TBC1D8B: variants seen among roughly 807,000 people sequenced by gnomAD.
TBC1D8B encodes RP11-321G1.1.
Under a neutral mutation model 82.9 loss-of-function variants are expected in TBC1D8B, and 75 were observed. That is an observed-to-expected ratio of 0.90 (90% confidence interval 0.75 to 1.10). The LOEUF (loss-of-function observed/expected upper bound fraction) is 1.10. Ranked by LOEUF, TBC1D8B falls within the 50% of genes least tolerant of loss-of-function variation. The pLI, the probability that TBC1D8B is intolerant of heterozygous loss-of-function variation, is 0.00. For missense variants in TBC1D8B, 794 were observed against 796.9 expected, an observed-to-expected ratio of 1.00 and a Z score of 0.04; for synonymous variants, 276 against 276.8, an observed-to-expected ratio of 1.00 and a Z score of 0.03.
chrX:106,866,868 A>G lies in TBC1D8B; in HGVS notation c.2728+6A>G. On this transcript the variant is annotated splice_donor_region_variant and intron_variant, in intron 17 of 20. Transcript: ENST00000357242. Reference sequence around the variant, plus strand: ...TAAGCTACATATTCCTCCAGGTAAGAGTTTACCAGTCTTTAACGATGTACA... The same window carrying G: ...TAAGCTACATATTCCTCCAGGTAAGGGTTTACCAGTCTTTAACGATGTACA... 1 of 1,152,612 alleles carries G rather than the reference A, an allele frequency of 8.7e-7. No individual in the cohort carries two copies. Among genetic ancestry groups the G allele is most frequent in the Non-Finnish European group, 1.2e-6 (1 of 856,271 alleles). 95.0% of individuals were successfully genotyped at this position (1,152,612 alleles called of 1,213,427 possible). A position where few individuals can be genotyped will look rare whatever the true frequency, so the allele number is the denominator to read the frequency against.
chrX:106,848,157 T>C (rs1484488204), intron 10 of TBC1D8B, 29 bp from the exon 11 acceptor site: 1 of 1,061,473 alleles, frequency 9.4e-7, no homozygotes, highest in Non-Finnish European at 1.3e-6. Context: ...CAATATTTGC[T>C]TTTTAATACT....
At chrX:106,853,703 A>T in intron 13 of TBC1D8B, 53 bp downstream of exon 13, 1 of 1,074,508 alleles carries the variant, frequency 9.3e-7, no homozygotes, top group East Asian at 3.0e-5. Context: ...AAATGATTGA[A>T]CTATGGTCTA....
intron 1 of TBC1D8B, among the ~76,000 whole-genome samples, chrX:106,810,783 C>T (rs1301182110): frequency 8.9e-6 from 1 of 111,764 alleles, no homozygotes; most frequent in Non-Finnish European, 1.9e-5. Flanking sequence ...GCTCCCCTCC[C>T]TCCCTGGAAC....
chrX:106,871,316 A>T (rs1420075599), intron 20 of TBC1D8B, among the ~76,000 whole-genome samples: 1 of 111,347 alleles, frequency 9.0e-6, no homozygotes, highest in Non-Finnish European at 1.9e-5. Context: ...GGATCCCGAG[A>T]ACTTTACCAA....
chrX:106,848,316 CCA>C lies in TBC1D8B; in HGVS notation c.1837+24_1837+25del, dbSNP rs1330458625. The stretch of plus-strand genomic sequence containing the variant: ...CGTCGAATTATTGGTAAAAGAAAAA[CCA>C]CACACACACATATGCATACACACAC... On this transcript the variant is annotated intron_variant, in intron 11 of 20. Transcript: ENST00000357242. 5.7e-5 allele frequency: 62 copies of C among 1,080,190 alleles called. No homozygotes were observed. Among genetic ancestry groups the C allele is most frequent in the Non-Finnish European group, 6.5e-5 (51 of 787,356 alleles). The allele number at this position is 1,080,190 out of a possible 1,213,427, so 89.0% of individuals were successfully genotyped here. A position where few individuals can be genotyped will look rare whatever the true frequency, so the allele number is the denominator to read the frequency against.
At chrX:106,836,304 C>T (rs1932174702) in intron 7 of TBC1D8B, among the ~76,000 whole-genome samples, 2 of 111,412 alleles carry the variant, frequency 1.8e-5, no homozygotes, top group Non-Finnish European at 3.8e-5. Flanking sequence ...ATGAGGTAAA[C>T]CGTCCCCATG....
At chrX:106,862,780 T>TG (rs1157933430) in intron 14 of TBC1D8B, among the ~76,000 whole-genome samples, 4 of 93,355 alleles carry the variant, frequency 4.3e-5, no homozygotes, top group Non-Finnish European at 6.4e-5. Context: ...TTTTTTGTTT[T>TG]TTTTTTTTTT....
Position 106,854,223 on chromosome X carries a change from A to G in TBC1D8B, c.2279A>G (p.Asp760Gly), listed in dbSNP as rs771135233. 8.4e-6 allele frequency: 10 copies of G among 1,187,622 alleles called. No individual in the cohort carries two copies. The highest frequency in any genetic ancestry group is 1.1e-5 in the Non-Finnish European group (10 of 885,293). The change falls in exon 14 of 21, where the codon GAT becomes GGT. Residue 760 changes from aspartate to glycine, a missense_variant. Asp to Gly is a moderately conservative substitution (Grantham distance 94, BLOSUM62 -1). Transcript: ENST00000357242. Reference protein sequence around the residue: ...NEKYGNIRYEDIHSMRCRNRL... With the variant: ...NEKYGNIRYEGIHSMRCRNRL... The stretch of plus-strand genomic sequence containing the variant: ...AAATATGGTAATATTCGCTATGAAG[A>G]TATACATAGTATGCGCTGTCGAAAT...
At chrX:106,841,760 A>G (rs6523900) in intron 10 of TBC1D8B, among the ~76,000 whole-genome samples, 7,154 of 111,817 alleles carry the variant, frequency 0.064, 597 homozygotes, top group African/African-American at 0.22. Flanking sequence ...TAGACTGTAG[A>G]CTGACAGCAG....
intron 10 of TBC1D8B, among the ~76,000 whole-genome samples, chrX:106,847,830 G>A (rs1480579128): frequency 9.0e-6 from 1 of 111,280 alleles, no homozygotes; most frequent in African/African-American, 3.3e-5. Context: ...GATGAAGTTC[G>A]TTTTCTTTCG....
At chrX:106,832,597 T>A (rs780775390) in intron 7 of TBC1D8B, among the ~76,000 whole-genome samples, 3 of 111,291 alleles carry the variant, frequency 2.7e-5, no homozygotes, top group Non-Finnish European at 3.8e-5. Context: ...AACTATGGAA[T>A]GTCAAGAAAG....
At chrX:106,830,703 C>A (rs1188953454) in intron 7 of TBC1D8B, among the ~76,000 whole-genome samples, 1 of 104,237 alleles carries the variant, frequency 9.6e-6, no homozygotes, top group Non-Finnish European at 1.9e-5. Flanking sequence ...GGACAAAAAA[C>A]CAAACACCGC....
At chrX:106,860,011 T>C (rs1260632956) in intron 14 of TBC1D8B, among the ~76,000 whole-genome samples, 1 of 112,052 alleles carries the variant, frequency 8.9e-6, no homozygotes. Flanking sequence ...TTGTGTATGT[T>C]GAACCAACCT....
In TBC1D8B at chrX:106,840,691, C is replaced by T; in HGVS notation, c.1526C>T (p.Thr509Ile). The T allele has an allele frequency of 8.3e-7, 1 of 1,210,248 alleles. No individual in the cohort carries two copies. Among genetic ancestry groups the T allele is most frequent in the Non-Finnish European group, 1.1e-6 (1 of 894,374 alleles). The change falls in exon 10 of 21, where the codon ACT becomes ATT. Residue 509 changes from threonine to isoleucine, a missense_variant. Physicochemically the swap from Thr to Ile is moderately conservative, Grantham distance 89. Coordinates refer to ENST00000357242, the MANE Select transcript of TBC1D8B (RefSeq NM_017752.3). ...ACAGGTGCTGTTAATGACATGGCTA[C>T]TAATCCTGACTATTATACTGAAGTG... ...LFSGAVNDMATNPDYYTEVVE... is the reference protein window; with the variant it reads ...LFSGAVNDMAINPDYYTEVVE...
intron 2 of TBC1D8B, among the ~76,000 whole-genome samples, chrX:106,819,317 G>A (rs1360424939): frequency 9.0e-6 from 1 of 110,892 alleles, no homozygotes; most frequent in African/African-American, 3.3e-5. Flanking sequence ...TGGTTCAGAT[G>A]CTTCAACATA....
chrX:106,819,919 A>G (rs1047779647), intron 2 of TBC1D8B, among the ~76,000 whole-genome samples: 1 of 111,014 alleles, frequency 9.0e-6, no homozygotes, highest in Non-Finnish European at 1.9e-5. Flanking sequence ...CAAAAGAATC[A>G]AACTTAAGGC....
chrX:106,873,472 G>A (rs1932863773), intron 20 of TBC1D8B, 98 bp from the exon 21 acceptor site: 1 of 860,727 alleles, frequency 1.2e-6, no homozygotes, highest in African/African-American at 2.0e-5. Context: ...AAGCTTCTAT[G>A]GTACAAATCC....
rs1932652136 is a variant in TBC1D8B, at chrX:106,854,301, G to C, written c.2352+5G>C. On this transcript the variant is annotated splice_donor_5th_base_variant and intron_variant, in intron 14 of 20. Coordinates refer to ENST00000357242, the MANE Select transcript of TBC1D8B (RefSeq NM_017752.3). The stretch of plus-strand genomic sequence containing the variant: ...GAAACAACAAAACAGAATGTGGTAA[G>C]TATGCAACCAATGAGGAAAAACCAG... The C allele has an allele frequency of 8.9e-7, 1 of 1,128,171 alleles. No homozygotes were observed. The highest frequency in any genetic ancestry group is 1.9e-5 in the African/African-American group (1 of 53,242). The allele number at this position is 1,128,171 out of a possible 1,213,427, so 93.0% of individuals were successfully genotyped here. A position where few individuals can be genotyped will look rare whatever the true frequency, so the allele number is the denominator to read the frequency against.
At chrX:106,811,912 T>C (rs1254232290) in intron 1 of TBC1D8B, among the ~76,000 whole-genome samples, 1 of 111,544 alleles carries the variant, frequency 9.0e-6, no homozygotes, top group African/African-American at 3.3e-5. Flanking sequence ...CATTGTAATC[T>C]GTTGTTTGTT....
Sources: allele counts gnomAD v4.1 joint callset (sites outside exome capture counted in the v4.1 genomes callset), GRCh38; gene constraint gnomAD v4.1.1; transcripts MANE v1.5; gene names NCBI Gene and HGNC (gene_info 2026-07-23, HGNC 2026-07-21).